ELAPOR2: variants seen among roughly 807,000 people sequenced by gnomAD.
The protein encoded by ELAPOR2 is endosome-lysosome associated apoptosis and autophagy regulator family member 2, also known as endosome/lysosome-associated apoptosis and autophagy regulator family member 2.
ELAPOR2 carries 89 observed loss-of-function variants against 120.7 expected under a neutral mutation model. The ratio of observed to expected loss-of-function variants is 0.74; its 90% CI spans 0.62 to 0.88. The LOEUF is 0.88. Among genes scored for constraint, ELAPOR2 ranks in the 40% least tolerant of loss-of-function variants. ELAPOR2 has a pLI of 0.00. For missense variants in ELAPOR2, 1,134 were observed against 1,251.6 expected (o/e 0.91, Z 1.42); for synonymous variants, 444 against 444.9 (o/e 1.00, Z 0.03).
chr7:87,033,828 CATAT>C (rs1293630112), intron 1 of ELAPOR2, among the ~76,000 whole-genome samples: 3 of 151,822 alleles, frequency 2.0e-5, no homozygotes, highest in Non-Finnish European at 4.4e-5. Flanking sequence ...AATAAATGTG[CATAT>C]ATATAATATA....
intron 3 of ELAPOR2, 91 bp downstream of exon 3, chr7:86,947,636 C>T: frequency 8.7e-7 from 1 of 1,143,758 alleles, no homozygotes; most frequent in Non-Finnish European, 1.2e-6. Context: ...ACAAACAGTA[C>T]CAAGATTATC....
chr7:86,929,572 T>G (rs910270376), intron 8 of ELAPOR2, among the ~76,000 whole-genome samples: 1 of 152,010 alleles, frequency 6.6e-6, no homozygotes. Flanking sequence ...ATGCTCAACA[T>G]GTACAGTTGT....
chr7:86,882,095 G>T (rs1178224106), intron 21 of ELAPOR2, among the ~76,000 whole-genome samples: 1 of 152,208 alleles, frequency 6.6e-6, no homozygotes, highest in African/African-American at 2.4e-5. Context: ...GCAGACTGTA[G>T]ATCTTCTCAG....
chr7:86,878,553 A>G lies in ELAPOR2; in HGVS notation c.*1918T>C, dbSNP rs1799257050. Reference sequence around the variant, plus strand: ...TCTATGGCTTGGAACATACATATTGAACACAGTGGAAGATGAGGAGAAAGG... The same window carrying G: ...TCTATGGCTTGGAACATACATATTGGACACAGTGGAAGATGAGGAGAAAGG... On this transcript the variant is annotated 3_prime_UTR_variant, in exon 22 of 22. Transcript: ENST00000450689. The G allele has an allele frequency of 6.6e-6, 1 of 152,182 alleles. No homozygotes were observed. Among genetic ancestry groups the G allele is most frequent in the African/African-American group, 2.4e-5 (1 of 41,446 alleles). The allele number at this position is 152,182 out of a possible 1,614,324, so 9.4% of individuals were successfully genotyped here.
At chr7:87,036,520 A>G (rs777864762) in intron 1 of ELAPOR2, among the ~76,000 whole-genome samples, 5 of 152,176 alleles carry the variant, frequency 3.3e-5, no homozygotes, top group African/African-American at 4.8e-5. Flanking sequence ...TAGCAAAGTC[A>G]TGGAAGCAAG....
intron 1 of ELAPOR2, among the ~76,000 whole-genome samples, chr7:87,004,401 T>C (rs902768181): frequency 1.3e-5 from 2 of 152,194 alleles, no homozygotes; most frequent in African/African-American, 4.8e-5. Context: ...CATTACGTAC[T>C]TTCACTTTGC....
intron 1 of ELAPOR2, among the ~76,000 whole-genome samples, chr7:87,048,903 G>A (rs149761607): frequency 6.6e-6 from 1 of 152,114 alleles, no homozygotes; most frequent in African/African-American, 2.4e-5. Flanking sequence ...TAACTTTTCT[G>A]CTACAAGTAA....
intron 20 of ELAPOR2, among the ~76,000 whole-genome samples, chr7:86,892,109 A>G (rs537772658): frequency 6.6e-6 from 1 of 152,154 alleles, no homozygotes; most frequent in South Asian, 2.1e-4. Context: ...TCAGTTCAAT[A>G]GAGTTAATTC....
In ELAPOR2 at chr7:86,938,185, G is replaced by A; in HGVS notation, c.1030C>T (p.Pro344Ser). 6.4e-7 allele frequency: 1 copy of A among 1,551,314 alleles called. No individual in the cohort carries two copies. The highest frequency in any genetic ancestry group is 8.7e-7 in the Non-Finnish European group (1 of 1,146,064). ...AAATAGTCTTTTGTGGTACAGGGAG[G>A]GCGCTCTGTACACTCACTGGATCCT... ...EEGSSECTER[P>S]PCTTKDYFQI... The change falls in exon 8 of 22, where the codon CCT (proline) becomes TCT (serine). Residue 344 changes from proline to serine, a missense_variant. Around this residue, in one of 3 missense-constraint regions of ELAPOR2, gnomAD observed 831 missense variants for 867.6 expected, o/e 0.96. Coordinates refer to ENST00000450689, the MANE Select transcript of ELAPOR2 (RefSeq NM_001142749.3).
rs201083575 is a variant in ELAPOR2 at position 86,914,699 on chromosome 7, T to A, written c.1731+24A>T. On this transcript the variant is annotated intron_variant, in intron 13 of 21. Transcript: ENST00000450689. ...GGCATCATTAGTGTGTTTAAAATTT[T>A]AAAAAAAAGTGCTTGGAACTTACAT... The A allele has an allele frequency of 6.4e-4, 1,015 of 1,584,794 alleles. 5 individuals are homozygous for A. The highest frequency in any genetic ancestry group is 5.7e-3 in the Middle Eastern group (34 of 5,926).
intron 1 of ELAPOR2, among the ~76,000 whole-genome samples, chr7:86,969,956 C>T (rs1792049911): frequency 6.6e-6 from 1 of 152,160 alleles, no homozygotes; most frequent in South Asian, 2.1e-4. Flanking sequence ...TTGAAAATAG[C>T]TAGTTTGATA....
At chr7:86,890,893 T>C (rs998197044) in intron 21 of ELAPOR2, among the ~76,000 whole-genome samples, 2 of 152,104 alleles carry the variant, frequency 1.3e-5, no homozygotes, top group African/African-American at 4.8e-5. Flanking sequence ...TTACTCTTTA[T>C]AAATGTAAAT....
At chr7:86,961,303 T>C (rs1022745663) in intron 2 of ELAPOR2, among the ~76,000 whole-genome samples, 6 of 152,008 alleles carry the variant, frequency 3.9e-5, no homozygotes, top group African/African-American at 1.2e-4. Context: ...ATGGAAAAAA[T>C]AGGAAAACAA....
chr7:87,049,094 C>T, intron 1 of ELAPOR2, among the ~76,000 whole-genome samples: 1 of 152,242 alleles, frequency 6.6e-6, no homozygotes, highest in African/African-American at 2.4e-5. Flanking sequence ...GCCAGGCACT[C>T]TTCAATGTGC....
In ELAPOR2 at chr7:86,968,114, G is replaced by A. The variant is rs146599115; in HGVS notation, c.190-3090C>T. The stretch of plus-strand genomic sequence containing the variant: ...AGTGTGGTACAGTAAAATTGCGAAA[G>A]GTACGATGTATATTTTCCAAATATT... On this transcript the variant is annotated intron_variant, in intron 1 of 21. Coordinates refer to ENST00000450689, the MANE Select transcript of ELAPOR2 (RefSeq NM_001142749.3). 8.1e-4 allele frequency among the ~76,000 whole-genome samples: 124 copies of A among 152,222 alleles called. No homozygotes were observed. The East Asian group carries it at 0.018, about 22-fold the overall frequency.
At chr7:86,978,283 G>T (rs1363007484) in intron 1 of ELAPOR2, among the ~76,000 whole-genome samples, 3 of 152,200 alleles carry the variant, frequency 2.0e-5, no homozygotes, top group Non-Finnish European at 4.4e-5. Context: ...GTGGAACTGT[G>T]AATCAATTAA....
chr7:86,958,616 C>A (rs1348471863), intron 2 of ELAPOR2, among the ~76,000 whole-genome samples: 1 of 152,176 alleles, frequency 6.6e-6, no homozygotes, highest in East Asian at 1.9e-4. Flanking sequence ...TCAGATCTCA[C>A]AGAGCACCCA....
chr7:86,892,677 T>C (rs1389738265), intron 20 of ELAPOR2, among the ~76,000 whole-genome samples: 2 of 152,070 alleles, frequency 1.3e-5, no homozygotes, highest in Non-Finnish European at 2.9e-5. Context: ...AGCCTCTTGT[T>C]TTCCTTGTTT....
At chr7:86,926,616 TACTAAA>T (rs1790076826) in intron 9 of ELAPOR2, 114 bp downstream of exon 9, 2 of 968,754 alleles carry the variant, frequency 2.1e-6, no homozygotes, top group Non-Finnish European at 1.5e-6. Context: ...AATTTTTGTC[TACTAAA>T]ACTAAAAGAA....
Sources: allele counts gnomAD v4.1 joint callset (sites outside exome capture counted in the v4.1 genomes callset), GRCh38; gene constraint gnomAD v4.1.1; regional missense constraint gnomAD v4.1.1; transcripts MANE v1.5; gene names NCBI Gene and HGNC (gene_info 2026-07-23, HGNC 2026-07-21).